The following XPNPEP3 variants were observed in gnomAD, a reference collection of about 807,000 sequenced individuals.
XPNPEP3 encodes X-prolyl aminopeptidase 3, also known as xaa-Pro aminopeptidase 3.
Under a neutral mutation model 60.0 loss-of-function variants are expected in XPNPEP3, and 41 were observed. The observed-to-expected ratio is 0.68, with a 90% CI of 0.53 to 0.89. XPNPEP3 has a LOEUF of 0.89. XPNPEP3 is among the 40% of genes least tolerant of loss of function. The pLI is 0.00. For missense variants in XPNPEP3, 598 were observed against 638.9 expected, an observed-to-expected ratio of 0.94 and a Z score of 0.69; for synonymous variants, 212 against 223.2, an observed-to-expected ratio of 0.95 and a Z score of 0.45.
intron 2 of XPNPEP3, among the ~76,000 whole-genome samples, chr22:40,875,784 T>C (rs917778657): frequency 4.7e-5 from 7 of 150,288 alleles, no homozygotes; most frequent in African/African-American, 1.2e-4. Context: ...GAGGCCAAGG[T>C]GGGCCGATTG....
At chr22:40,887,069 A>C (rs922788029) in intron 4 of XPNPEP3, among the ~76,000 whole-genome samples, 1 of 152,134 alleles carries the variant, frequency 6.6e-6, no homozygotes, top group Non-Finnish European at 1.5e-5. Context: ...CCTTAGAACG[A>C]CAGAAATTAA....
intron 2 of XPNPEP3, among the ~76,000 whole-genome samples, chr22:40,870,919 C>T (rs941385065): frequency 6.6e-6 from 1 of 151,866 alleles, no homozygotes; most frequent in African/African-American, 2.4e-5. Flanking sequence ...ATCTCAGCTA[C>T]TGGGGAGGCT....
In XPNPEP3 at chr22:40,926,328, C is replaced by T. The variant is rs2058234582; in HGVS notation, c.1417C>T (p.Arg473Ter). The change falls in exon 10 of 10, where the codon CGA becomes TGA. Residue 473 changes from arginine (R) to a stop codon, truncating the protein, a stop_gained. Transcript: ENST00000357137. LOFTEE classifies it high-confidence loss of function. The part of the protein sequence containing the change: ...APEKFRGLGV[R>*]IEDDVVVTQD... ...AGAGAAGTTTCGGGGTCTTGGTGTA[C>T]GAATTGAGGATGATGTAGTGGTGAC... The T allele has an allele frequency of 1.9e-6, 3 of 1,613,940 alleles. No homozygotes were observed. The highest frequency in any genetic ancestry group is 1.7e-5 in the Admixed American group (1 of 59,970).
At chr22:40,866,270 G>A (rs148825900) in intron 1 of XPNPEP3, among the ~76,000 whole-genome samples, 1,574 of 152,138 alleles carry the variant, frequency 0.01, 18 homozygotes, top group Non-Finnish European at 0.016. Context: ...TGCTTCCAAA[G>A]ATTGTTCATA....
chr22:40,921,156 G>A (rs747409174), intron 7 of XPNPEP3, among the ~76,000 whole-genome samples: 3 of 151,528 alleles, frequency 2.0e-5, no homozygotes, highest in Non-Finnish European at 4.4e-5. Flanking sequence ...GCCTAACTTG[G>A]AGCCTGCTGG....
At chr22:40,903,710 G>A (rs1371589188) in intron 4 of XPNPEP3, among the ~76,000 whole-genome samples, 1 of 151,990 alleles carries the variant, frequency 6.6e-6, no homozygotes, top group Non-Finnish European at 1.5e-5. Context: ...AGCAGGTCTT[G>A]AACTCCTCAC....
At chr22:40,890,450 G>T (rs1181529362) in intron 4 of XPNPEP3, among the ~76,000 whole-genome samples, 1 of 151,996 alleles carries the variant, frequency 6.6e-6, no homozygotes, top group Non-Finnish European at 1.5e-5. Flanking sequence ...GAGGTAGGAC[G>T]ATCACTTGAG....
intron 4 of XPNPEP3, among the ~76,000 whole-genome samples, chr22:40,891,179 C>CAAAAAAAAA (rs989825018): frequency 4.6e-5 from 2 of 43,954 alleles, no homozygotes; most frequent in Non-Finnish European, 4.4e-5. Context: ...CCCATTTCTA[C>CAAAAAAAAA]AAAAAAAAAA....
intron 1 of XPNPEP3, among the ~76,000 whole-genome samples, chr22:40,863,721 G>A (rs2057963605): frequency 6.6e-6 from 1 of 152,178 alleles, no homozygotes; most frequent in Non-Finnish European, 1.5e-5. Flanking sequence ...GAGTCACACT[G>A]TAGCAAGTGC....
At chr22:40,886,273 A>G (rs2058068179) in intron 3 of XPNPEP3, 40 bp from the exon 4 acceptor site, 1 of 1,591,308 alleles carries the variant, frequency 6.3e-7, no homozygotes, top group Non-Finnish European at 8.6e-7. Flanking sequence ...TGTTGCTGGT[A>G]GTTTTGTTTT....
At chr22:40,916,851 A>G (rs1023624115) in intron 7 of XPNPEP3, among the ~76,000 whole-genome samples, 1 of 152,126 alleles carries the variant, frequency 6.6e-6, no homozygotes, top group Non-Finnish European at 1.5e-5. Flanking sequence ...ACTGGGAGGA[A>G]AGACAGGAGG....
At chr22:40,859,888 TTAGAG>T (rs536414449) in intron 1 of XPNPEP3, 4 of 152,202 alleles carry the variant, frequency 2.6e-5, no homozygotes, top group Non-Finnish European at 5.9e-5. Context: ...AGGTGCTATT[TTAGAG>T]TAATGTATTT....
intron 2 of XPNPEP3, among the ~76,000 whole-genome samples, chr22:40,873,057 T>C (rs983264929): frequency 1.3e-5 from 2 of 151,774 alleles, no homozygotes; most frequent in African/African-American, 4.8e-5. Context: ...CTGACATATG[T>C]AGAACCACTT....
At chr22:40,861,038 C>A in intron 1 of XPNPEP3, 1 of 1,549,866 alleles carries the variant, frequency 6.5e-7, no homozygotes, top group South Asian at 1.3e-5. Context: ...CAATTGTGTT[C>A]AAATGTTATA....
chr22:40,859,249 G>C (rs2057926239), intron 1 of XPNPEP3, among the ~76,000 whole-genome samples: 1 of 152,150 alleles, frequency 6.6e-6, no homozygotes, highest in Non-Finnish European at 1.5e-5. Flanking sequence ...AAAAAAGCTG[G>C]TGGCTGGCTC....
Position 40,931,743 on chromosome 22 carries a change from C to G in XPNPEP3, c.*5308C>G, listed in dbSNP as rs1056495454. On this transcript the variant is annotated 3_prime_UTR_variant, in exon 10 of 10. Coordinates refer to ENST00000357137, the MANE Select transcript of XPNPEP3 (RefSeq NM_022098.4). ...GAAGAGAAAAACTGGAGTGAGAACT[C>G]TCCTCCTCTCATAATCATAGTATCC... The G allele has an allele frequency of 6.6e-6, 1 of 152,090 alleles. No homozygotes were observed. The highest frequency in any genetic ancestry group is 1.5e-5 in the Non-Finnish European group (1 of 68,026). 9.4% of individuals were successfully genotyped at this position (152,090 alleles called of 1,614,324 possible).
At chr22:40,880,859 T>C (rs939659123) in intron 2 of XPNPEP3, among the ~76,000 whole-genome samples, 13 of 151,778 alleles carry the variant, frequency 8.6e-5, no homozygotes, top group African/African-American at 3.1e-4. Flanking sequence ...ATATAAAATC[T>C]CTGCAGTAGG....
At chr22:40,865,817 G>C (rs546270807) in intron 1 of XPNPEP3, among the ~76,000 whole-genome samples, 1 of 152,240 alleles carries the variant, frequency 6.6e-6, no homozygotes, top group Non-Finnish European at 1.5e-5. Flanking sequence ...TTACAAGCAT[G>C]AGCCACCATG....
intron 1 of XPNPEP3, chr22:40,862,873 C>T (rs909164710): frequency 1.8e-4 from 67 of 365,622 alleles, no homozygotes; most frequent in Non-Finnish European, 2.3e-4. Flanking sequence ...CTGGTGCTTG[C>T]ATTATAATAG....
Sources: allele counts gnomAD v4.1 joint callset (sites outside exome capture counted in the v4.1 genomes callset), GRCh38; gene constraint gnomAD v4.1.1; transcripts MANE v1.5; gene names NCBI Gene and HGNC (gene_info 2026-07-23, HGNC 2026-07-21).